The following OPCML variants were observed in gnomAD, a reference collection of about 807,000 sequenced individuals.
The protein encoded by OPCML is opioid-binding protein/cell adhesion molecule.
Under a neutral mutation model 37.8 loss-of-function variants are expected in OPCML, and 13 were observed. The ratio of observed to expected loss-of-function variants is 0.34; its 90% CI spans 0.22 to 0.55. The LOEUF (loss-of-function observed/expected upper bound fraction) is 0.55, where lower values mean the gene tolerates loss of function less well. Among genes scored for constraint, OPCML ranks in the 20% least tolerant of loss-of-function variants. The pLI is 0.91. For missense variants in OPCML, 341 were observed against 435.6 expected (o/e 0.78, Z 1.93); for synonymous variants, 176 against 168.8 (o/e 1.04, Z -0.33).
intron 1 of OPCML, among the ~76,000 whole-genome samples, chr11:133,169,840 A>T (rs1950263045): frequency 6.6e-6 from 1 of 152,216 alleles, no homozygotes; most frequent in Admixed American, 6.5e-5. Flanking sequence ...ATTTGGGAAA[A>T]AATCATATTA....
intron 3 of OPCML, among the ~76,000 whole-genome samples, chr11:132,563,037 G>C (rs1211452725): frequency 6.6e-6 from 1 of 152,098 alleles, no homozygotes; most frequent in Non-Finnish European, 1.5e-5. Flanking sequence ...GTAGTATAGA[G>C]AAAACATCTA....
At chr11:133,323,132 C>T (rs763741653) in intron 1 of OPCML, among the ~76,000 whole-genome samples, 1 of 152,184 alleles carries the variant, frequency 6.6e-6, no homozygotes, top group Non-Finnish European at 1.5e-5. Flanking sequence ...GGTCCAAGCT[C>T]ATGCCATCTC....
intron 1 of OPCML, among the ~76,000 whole-genome samples, chr11:133,470,237 C>T (rs1947073157): frequency 6.6e-6 from 1 of 152,164 alleles, no homozygotes; most frequent in Non-Finnish European, 1.5e-5. Flanking sequence ...GAAATCCCAA[C>T]TTGAAATAAA....
At position 132,671,957 on chromosome 11, in the gene OPCML, GAC is replaced by G. The variant is rs1246630389; in HGVS notation, c.147-14640_147-14639del. Among the ~76,000 whole-genome samples, 3 of 152,250 alleles carry G rather than the reference GAC, an allele frequency of 2.0e-5. No homozygotes were observed. The East Asian group carries it at 5.8e-4, about 29-fold the overall frequency. ...CACCTTAATTGTGTTCTGCTCAAGT[GAC>G]TATTGAAATTATTATGCACTTCCTC... On this transcript the variant is annotated intron_variant, in intron 2 of 7. Coordinates refer to ENST00000524381, the MANE Select transcript of OPCML (RefSeq NM_001012393.5).
At chr11:133,248,696 T>C (rs979399962) in intron 1 of OPCML, among the ~76,000 whole-genome samples, 1 of 152,156 alleles carries the variant, frequency 6.6e-6, no homozygotes, top group African/African-American at 2.4e-5. Flanking sequence ...AGTTCACTGA[T>C]GCTAAGAGAA....
chr11:132,556,567 T>C (rs2096396134), intron 3 of OPCML, among the ~76,000 whole-genome samples: 1 of 152,168 alleles, frequency 6.6e-6, no homozygotes, highest in Non-Finnish European at 1.5e-5. Context: ...TCAAGTAGCT[T>C]CTGGCAGCTT....
intron 1 of OPCML, among the ~76,000 whole-genome samples, chr11:133,416,990 A>G (rs1262573994): frequency 1.3e-5 from 2 of 152,162 alleles, no homozygotes; most frequent in Non-Finnish European, 2.9e-5. Context: ...CTCTTGAACC[A>G]CAAGATTTAA....
chr11:133,067,284 G>C (rs1948455902), intron 1 of OPCML: 2 of 152,320 alleles, frequency 1.3e-5, no homozygotes, highest in South Asian at 2.1e-4. Flanking sequence ...AGTGAGTAAA[G>C]GGTGTGGCTT....
chr11:132,554,612 G>T (rs977590011), intron 3 of OPCML, among the ~76,000 whole-genome samples: 1 of 152,114 alleles, frequency 6.6e-6, no homozygotes, highest in African/African-American at 2.4e-5. Context: ...CCCACCTGCT[G>T]GGGTGTCTCA....
chr11:132,766,929 C>T (rs35777529), intron 2 of OPCML, among the ~76,000 whole-genome samples: 6,283 of 152,240 alleles, frequency 0.041, 199 homozygotes, highest in Non-Finnish European at 0.062. Context: ...TTAACATAAA[C>T]ACATGGAAGT....
At chr11:133,136,935 A>G (rs1565465389) in intron 1 of OPCML, among the ~76,000 whole-genome samples, 2 of 151,820 alleles carry the variant, frequency 1.3e-5, no homozygotes, top group Non-Finnish European at 2.9e-5. Context: ...ATTTTTCTAT[A>G]GAAAGGAATG....
At chr11:132,684,759 C>T (rs917945502) in intron 2 of OPCML, among the ~76,000 whole-genome samples, 3 of 152,118 alleles carry the variant, frequency 2.0e-5, no homozygotes, top group East Asian at 1.9e-4. Flanking sequence ...TTTCTATATG[C>T]GTTTGTTCAA....
At chr11:132,897,861 T>C (rs977704268) in intron 2 of OPCML, among the ~76,000 whole-genome samples, 3 of 152,162 alleles carry the variant, frequency 2.0e-5, no homozygotes, top group African/African-American at 7.2e-5. Flanking sequence ...AGAATAGATA[T>C]GTGGATAGAT....
intron 1 of OPCML, among the ~76,000 whole-genome samples, chr11:133,425,300 G>T (rs562002557): frequency 6.6e-6 from 1 of 152,186 alleles, no homozygotes; most frequent in South Asian, 2.1e-4. Context: ...TGCTAAAAAG[G>T]CAGTGGTCTT....
intron 1 of OPCML, among the ~76,000 whole-genome samples, chr11:133,334,920 C>CT (rs1264270459): frequency 6.6e-6 from 1 of 152,216 alleles, no homozygotes; most frequent in Non-Finnish European, 1.5e-5. Context: ...TGTGCTGTCT[C>CT]TGCTCTTACC....
At chr11:133,097,489 A>C (rs1949020235) in intron 1 of OPCML, among the ~76,000 whole-genome samples, 2 of 152,238 alleles carry the variant, frequency 1.3e-5, no homozygotes, top group South Asian at 4.1e-4. Flanking sequence ...CTAAATCAAA[A>C]GTAAGCAGAA....
At position 132,658,920 on chromosome 11, in the gene OPCML, A is replaced by G. The variant is rs377313447; in HGVS notation, c.147-1601T>C. Among the ~76,000 whole-genome samples, 41 of 152,294 alleles carry G rather than the reference A, an allele frequency of 2.7e-4. 1 individual carries two copies. Among genetic ancestry groups the G allele is most frequent in the African/African-American group, 9.4e-4 (39 of 41,564 alleles). On this transcript the variant is annotated intron_variant, in intron 2 of 7. Transcript: ENST00000524381. ...ATTTGCTTTCACCTGAAATAGAATC[A>G]TACTCTAACATTCCAATGAAACTAT...
intron 2 of OPCML, among the ~76,000 whole-genome samples, chr11:132,842,256 C>T (rs1941327997): frequency 6.6e-6 from 1 of 152,180 alleles, no homozygotes; most frequent in Non-Finnish European, 1.5e-5. Flanking sequence ...GTCTTCCTCT[C>T]ACGCCGCACG....
chr11:132,542,600 C>T (rs2096359462), intron 3 of OPCML, among the ~76,000 whole-genome samples: 1 of 152,134 alleles, frequency 6.6e-6, no homozygotes, highest in Non-Finnish European at 1.5e-5. Context: ...TATTGACAGA[C>T]TCCTGCCCTG....
Sources: gnomAD v4.1 joint callset for allele counts (sites outside exome capture counted in the v4.1 genomes callset) on GRCh38, gnomAD v4.1.1 for gene constraint, MANE v1.5 for transcripts, NCBI Gene and HGNC (gene_info 2026-07-23, HGNC 2026-07-21) for gene names.